Variants in CNTNAP4 observed in about 807,000 individuals in gnomAD.
CNTNAP4 encodes the protein contactin-associated protein-like 4.
In CNTNAP4, 98 loss-of-function variants were observed where a neutral mutation model predicts 148.4. The ratio of observed to expected loss-of-function variants is 0.66; its 90% CI spans 0.56 to 0.78. The LOEUF (loss-of-function observed/expected upper bound fraction) is 0.78. Ranked by LOEUF, CNTNAP4 falls within the 30% of genes least tolerant of loss-of-function variation. CNTNAP4 has a pLI of 0.00. For synonymous variants in CNTNAP4, 730 were observed against 565.1 expected, an observed-to-expected ratio of 1.29 and a Z score of -4.14; for missense variants, 1,935 against 1,565.6, an observed-to-expected ratio of 1.24 and a Z score of -3.98.
At chr16:76,455,088 T>C (rs1394169231) in intron 8 of CNTNAP4, among the ~76,000 whole-genome samples, 1 of 152,230 alleles carries the variant, frequency 6.6e-6, no homozygotes, top group Non-Finnish European at 1.5e-5. Flanking sequence ...TTTGAAATAT[T>C]CAACACATTA....
At chr16:76,309,755 A>G (rs529041703) in intron 1 of CNTNAP4, 2 of 671,886 alleles carry the variant, frequency 3.0e-6, no homozygotes. Context: ...GTTTGGGCGG[A>G]GGGGGTGGTC....
intron 2 of CNTNAP4, among the ~76,000 whole-genome samples, chr16:76,323,880 T>C (rs532931072): frequency 8.5e-5 from 13 of 152,312 alleles, no homozygotes; most frequent in African/African-American, 3.1e-4. Context: ...AACTAGATTA[T>C]AATACTAAAT....
chr16:76,354,309 A>G (rs2012273246), intron 2 of CNTNAP4, among the ~76,000 whole-genome samples: 1 of 152,214 alleles, frequency 6.6e-6, no homozygotes, highest in Non-Finnish European at 1.5e-5. Flanking sequence ...TCTTAACACG[A>G]TATACAGGAG....
At chr16:76,449,023 C>T (rs2080355690) in intron 6 of CNTNAP4, 72 bp downstream of exon 6, 5 of 1,387,146 alleles carry the variant, frequency 3.6e-6, no homozygotes, top group African/African-American at 1.4e-5. Context: ...GAGGAAAATA[C>T]ACTATAAAGA....
chr16:76,358,568 A>G (rs1206746099), intron 3 of CNTNAP4, among the ~76,000 whole-genome samples: 1 of 152,188 alleles, frequency 6.6e-6, no homozygotes, highest in East Asian at 1.9e-4. Context: ...AGGCTATTTT[A>G]TGAAGCTGGA....
chr16:76,309,993 G>A, intron 1 of CNTNAP4: 1 of 651,132 alleles, frequency 1.5e-6, no homozygotes, highest in Admixed American at 2.3e-5. Context: ...GGGGCCAGTT[G>A]CTACAGGAGT....
intron 3 of CNTNAP4, among the ~76,000 whole-genome samples, chr16:76,363,139 A>G (rs1168703091): frequency 1.3e-5 from 2 of 151,402 alleles, no homozygotes; most frequent in African/African-American, 4.8e-5. Context: ...CACATGCAAA[A>G]CAATGAAATT....
intron 14 of CNTNAP4, among the ~76,000 whole-genome samples, chr16:76,498,069 C>A (rs1232112414): frequency 1.3e-5 from 2 of 152,094 alleles, no homozygotes; most frequent in African/African-American, 4.8e-5. Context: ...TTCTCTATTA[C>A]ATATTTTCTA....
At chr16:76,519,197 T>C (rs2083365588) in intron 15 of CNTNAP4, among the ~76,000 whole-genome samples, 2 of 152,222 alleles carry the variant, frequency 1.3e-5, no homozygotes, top group Admixed American at 1.3e-4. Context: ...TTCTACCTTT[T>C]GTGAACGTAT....
rs117416492 is a variant in CNTNAP4 at position 76,535,398 on chromosome 16, A to G, written c.2756-147A>G. 3,534 of 754,056 alleles carry G rather than the reference A, an allele frequency of 4.7e-3. 17 individuals are homozygous for G. Among genetic ancestry groups the G allele is most frequent in the Non-Finnish European group, 6.7e-3 (3,136 of 470,564 alleles). 46.7% of individuals were successfully genotyped at this position (754,056 alleles called of 1,614,324 possible). On this transcript the variant is annotated intron_variant, in intron 17 of 23. Transcript: ENST00000611870. ...TAAAGTTGTATCTTTCTTGGAGTCT[A>G]TATTTGACCATGAATTGTGTTTCCA...
chr16:76,496,821 A>C (rs2082417274), intron 14 of CNTNAP4, among the ~76,000 whole-genome samples: 1 of 152,206 alleles, frequency 6.6e-6, no homozygotes, highest in Admixed American at 6.5e-5. Context: ...TAAAGTCAAG[A>C]AATTAAGAGC....
chr16:76,560,228 C>T lies in CNTNAP4; in HGVS notation c.*1545C>T, dbSNP rs751936741. ...CTTAGTTTGTCTACACCAGAAGAAT[C>T]GGGAAATATGTAAATTTAGCATTAC... On this transcript the variant is annotated 3_prime_UTR_variant, in exon 24 of 24. Transcript: ENST00000611870. 1.3e-5 allele frequency among the ~76,000 whole-genome samples: 2 copies of T among 152,114 alleles called. No individual in the cohort carries two copies. Among genetic ancestry groups the T allele is most frequent in the African/African-American group, 4.8e-5 (2 of 41,432 alleles).
At chr16:76,430,077 A>C (rs2145066590) in intron 4 of CNTNAP4, among the ~76,000 whole-genome samples, 1 of 152,316 alleles carries the variant, frequency 6.6e-6, no homozygotes, top group African/African-American at 2.4e-5. Flanking sequence ...ATTTGATCAA[A>C]TTGGCTTTTA....
In CNTNAP4 at chr16:76,355,454, G is replaced by C. The variant is rs964702992; in HGVS notation, c.333G>C (p.Leu111=). 4.3e-6 allele frequency: 7 copies of C among 1,613,056 alleles called. No individual in the cohort carries two copies. The East Asian group carries it at 6.7e-5, about 15-fold the overall frequency. The change falls in exon 3 of 24, where the codon CTG becomes CTC. Residue 111 remains leucine (L), a synonymous_variant. Coordinates refer to ENST00000611870, the MANE Select transcript of CNTNAP4 (RefSeq NM_033401.5). ...GSSNWVTSYL[L]MFSDSGWNWK... ...CCAACTGGGTGACCAGCTACCTCCT[G>C]ATGTTCAGTGATAGTGGCTGGAACT...
chr16:76,422,016 A>T (rs1213002005), intron 3 of CNTNAP4, among the ~76,000 whole-genome samples: 1 of 152,184 alleles, frequency 6.6e-6, no homozygotes, highest in Non-Finnish European at 1.5e-5. Context: ...TTGCTCAATT[A>T]ATATTTGAAA....
intron 4 of CNTNAP4, among the ~76,000 whole-genome samples, chr16:76,441,116 C>T (rs1286130039): frequency 6.6e-6 from 1 of 152,096 alleles, no homozygotes; most frequent in Non-Finnish European, 1.5e-5. Flanking sequence ...TCATTCAATA[C>T]CCAGCCGTGA....
rs530306019 is a variant in CNTNAP4 at position 76,310,758 on chromosome 16, A to T, written c.86-5655A>T. On this transcript the variant is annotated intron_variant, in intron 1 of 23. Coordinates refer to ENST00000611870, the MANE Select transcript of CNTNAP4 (RefSeq NM_033401.5). ...CAAATAACTGAGAAGATGACTACTC[A>T]GTGGCAACTAAGCTGAATACTGCTG... Among the ~76,000 whole-genome samples, 11 of 152,054 alleles carry T rather than the reference A, an allele frequency of 7.2e-5. No individual in the cohort carries two copies. In the South Asian group the frequency reaches 2.3e-3, roughly 32 times the overall value.
intron 10 of CNTNAP4, among the ~76,000 whole-genome samples, chr16:76,470,606 T>TGCC (rs2143543525): frequency 6.6e-6 from 1 of 150,650 alleles, no homozygotes; most frequent in East Asian, 2.0e-4. Flanking sequence ...GCCAAGATTG[T>TGCC]GCCATTGCAC....
At chr16:76,353,023 AG>A (rs2012039336) in intron 2 of CNTNAP4, among the ~76,000 whole-genome samples, 2 of 152,350 alleles carry the variant, frequency 1.3e-5, no homozygotes, top group South Asian at 4.1e-4. Flanking sequence ...ATAAGCATAA[AG>A]GTAGATAATA....
Sources: gnomAD v4.1 joint callset for allele counts (sites outside exome capture counted in the v4.1 genomes callset) on GRCh38, gnomAD v4.1.1 for gene constraint, MANE v1.5 for transcripts, NCBI Gene and HGNC (gene_info 2026-07-23, HGNC 2026-07-21) for gene names.